The following AKNAD1 variants were observed in gnomAD, a reference collection of about 807,000 sequenced individuals.
The protein encoded by AKNAD1 is AKNA domain containing 1, also known as protein AKNAD1.
AKNAD1 carries 67 observed loss-of-function variants against 90.8 expected under a neutral mutation model. The ratio of observed to expected loss-of-function variants is 0.74; its 90% confidence interval spans 0.61 to 0.90. AKNAD1 has a LOEUF of 0.90. Ranked by LOEUF, AKNAD1 falls within the 40% of genes least tolerant of loss-of-function variation. AKNAD1 has a pLI of 0.00. For missense variants in AKNAD1, 957 were observed against 975.4 expected (o/e 0.98, Z 0.25); for synonymous variants, 327 against 341.4 (o/e 0.96, Z 0.46).
intron 13 of AKNAD1, chr1:108,823,100 G>C (rs1663869358): frequency 1.5e-6 from 1 of 666,488 alleles, no homozygotes; most frequent in African/African-American, 1.8e-5. Flanking sequence ...AACATTTATG[G>C]GTTGCTACCA....
chr1:108,827,206 G>A lies in AKNAD1; in HGVS notation c.1935C>T (p.Pro645=), dbSNP rs1664026351. 6.2e-7 allele frequency: 1 copy of A among 1,608,326 alleles called. No homozygotes were observed. Among genetic ancestry groups the A allele is most frequent in the Admixed American group, 1.7e-5 (1 of 59,660 alleles). Residue 645 remains proline (P), a splice_region_variant and synonymous_variant, in exon 11 of 16, where the codon CCC becomes CCT. Transcript: ENST00000370001. ...HEKAPHSDST[P]NSDTGHSFCS... The stretch of plus-strand genomic sequence containing the variant: ...CCCAGCCCAAGCCCATCAACTTACT[G>A]GGAGTTGAATCTGAGTGTGGTGCCT...
chr1:108,839,503 C>T (rs932373431), intron 6 of AKNAD1, among the ~76,000 whole-genome samples: 1 of 112,656 alleles, frequency 8.9e-6, no homozygotes, highest in African/African-American at 3.9e-5. Flanking sequence ...AATTGCCCAA[C>T]TCATTCTGTG....
At chr1:108,843,311 G>A in intron 5 of AKNAD1, 44 bp from the exon 6 acceptor site, 2 of 1,602,154 alleles carry the variant, frequency 1.2e-6, no homozygotes, top group Non-Finnish European at 1.7e-6. Context: ...GCAAGCCTGT[G>A]TGTGTAATTG....
chr1:108,856,753 C>CACACACACACACACACACACAG, intron 1 of AKNAD1, among the ~76,000 whole-genome samples, 176 bp downstream of exon 1: 1 of 152,080 alleles, frequency 6.6e-6, no homozygotes, highest in Non-Finnish European at 1.5e-5. Context: ...CAAACACACA[C>CACACACACACACACACACACAG]ACAGACAAAG....
intron 8 of AKNAD1, 33 bp downstream of exon 8, chr1:108,834,896 T>C: frequency 2.0e-6 from 3 of 1,507,060 alleles, no homozygotes; most frequent in Non-Finnish European, 2.6e-6. Context: ...TTCTGTGTCC[T>C]GTGTCTGCTG....
chr1:108,837,672 G>A lies in AKNAD1; in HGVS notation c.1414C>T (p.Leu472=), dbSNP rs1430361494. ...ATTTTCTCTTTAACATCTTCAAGCA[G>A]CATCTCCAATTTGAAGATTTCACCT... ...VEGEIFKLEM[L]LEDVKEKMDE... is the part of the protein sequence containing the mutation. The change falls in exon 7 of 16, where the codon CTG becomes TTG. Residue 472 remains leucine, a synonymous_variant. Coordinates refer to ENST00000370001, the MANE Select transcript of AKNAD1 (RefSeq NM_152763.5). The A allele has an allele frequency of 5.6e-6, 9 of 1,614,114 alleles. No individual in the cohort carries two copies. Among genetic ancestry groups the A allele is most frequent in the Non-Finnish European group, 7.6e-6 (9 of 1,179,990 alleles).
chr1:108,851,964 T>A lies in AKNAD1; in HGVS notation c.701A>T (p.Gln234Leu). 6.2e-7 allele frequency: 1 copy of A among 1,614,250 alleles called. No homozygotes were observed. The highest frequency in any genetic ancestry group is 8.5e-7 in the Non-Finnish European group (1 of 1,180,038). Reference sequence around the variant, plus strand: ...ATTTGCTTTTTCAGTCTGCTGTTTCTGGGGTGACTGCCCTTGATAACTTTT... The same window carrying A: ...ATTTGCTTTTTCAGTCTGCTGTTTCAGGGGTGACTGCCCTTGATAACTTTT... ...KQKSYQGQSP[Q>L]KQQTEKANSG... is the part of the protein sequence containing the mutation. The change falls in exon 2 of 16, where the codon CAG (glutamine) becomes CTG (leucine). Residue 234 changes from glutamine to leucine, a missense_variant. Coordinates refer to ENST00000370001, the MANE Select transcript of AKNAD1 (RefSeq NM_152763.5).
chr1:108,818,277 A>G (rs1418489050), intron 14 of AKNAD1, among the ~76,000 whole-genome samples: 1 of 152,190 alleles, frequency 6.6e-6, no homozygotes, highest in Non-Finnish European at 1.5e-5. Flanking sequence ...CTTGTGAGGA[A>G]TATCATCTCC....
At chr1:108,830,815 GA>G (rs1664175076) in intron 9 of AKNAD1, 165 bp from the exon 10 acceptor site, 1 of 648,344 alleles carries the variant, frequency 1.5e-6, no homozygotes, top group South Asian at 1.8e-5. Flanking sequence ...GGCGCAGGGG[GA>G]CAGGAGGGAA....
rs1663596544 is a variant in AKNAD1 at position 108,816,322 on chromosome 1, A to T, written c.2380-20T>A. On this transcript the variant is annotated intron_variant, in intron 15 of 15. Coordinates refer to ENST00000370001, the MANE Select transcript of AKNAD1 (RefSeq NM_152763.5). ...TAAAATCTACAGAGGAAAAGTCCAC[A>T]CATTTTAATTACATAAACTAACTGC... 2 of 1,602,380 alleles carry T rather than the reference A, an allele frequency of 1.2e-6. No homozygotes were observed. The highest frequency in any genetic ancestry group is 2.3e-5 in the South Asian group (2 of 88,038).
Position 108,834,499 on chromosome 1 carries a change from G to A in AKNAD1, c.1694C>T (p.Ala565Val), listed in dbSNP as rs777482761. The A allele has an allele frequency of 1.9e-6, 3 of 1,609,706 alleles. No homozygotes were observed. The highest frequency in any genetic ancestry group is 2.2e-5 in the South Asian group (2 of 90,220). ...TYLNGHYGDA[A>V]AQNKPDQVAM... is the part of the protein sequence containing the mutation. ...CACTTGGTCTGGCTTGTTCTGGGCA[G>A]CTGCATCTCCATAATGACCGTTTAG... is the stretch of plus-strand genomic sequence containing the variant. Residue 565 changes from alanine to valine, a missense_variant, in exon 9 of 16, where the codon GCT (alanine) becomes GTT (valine). Physicochemically the swap from Ala to Val is moderately conservative, Grantham distance 64. Coordinates refer to ENST00000370001, the MANE Select transcript of AKNAD1 (RefSeq NM_152763.5).
In AKNAD1 at chr1:108,852,352, A is replaced by G. The variant is rs201928966; in HGVS notation, c.313T>C (p.Ser105Pro). The G allele has an allele frequency of 6.2e-7, 1 of 1,614,114 alleles. No homozygotes were observed. The highest frequency in any genetic ancestry group is 8.5e-7 in the Non-Finnish European group (1 of 1,180,004). Residue 105 changes from serine to proline, a missense_variant, in exon 2 of 16, where the codon TCT (serine) becomes CCT (proline). By Grantham distance (74) the Ser-to-Pro change is moderately conservative (BLOSUM62 -1). Coordinates refer to ENST00000370001, the MANE Select transcript of AKNAD1 (RefSeq NM_152763.5). ...AAAATATCAGAAATGCTTGACTTAG[A>G]AGCGTCTCCTTCATTTGCTGGAATA... ...LHIPANEGDA[S>P]KSSISDILLH... is the part of the protein sequence containing the mutation.
At chr1:108,834,675 G>T in intron 8 of AKNAD1, 147 bp from the exon 9 acceptor site, 2 of 916,260 alleles carry the variant, frequency 2.2e-6, no homozygotes, top group South Asian at 1.7e-5. Context: ...GCCTCATGCG[G>T]CCACTTGACC....
Position 108,820,636 on chromosome 1 carries a change from G to A in AKNAD1, c.2168-10C>T. ...TTGGGTTTTAAAAAAGCTGAAAAAT[G>A]TTAGCTATCATTAAATTCAGAGTAT... is the stretch of plus-strand genomic sequence containing the variant. On this transcript the variant is annotated splice_polypyrimidine_tract_variant and intron_variant, in intron 13 of 15. Transcript: ENST00000370001. 3.8e-6 allele frequency: 6 copies of A among 1,562,798 alleles called. No homozygotes were observed. The Middle Eastern group carries it at 5.3e-4, about 138-fold the overall frequency.
At chr1:108,817,214 G>A (rs755680227) in intron 14 of AKNAD1, 37 bp from the exon 15 acceptor site, 8 of 1,611,192 alleles carry the variant, frequency 5.0e-6, no homozygotes, top group Admixed American at 1.7e-5. Flanking sequence ...TGTGTCAAGC[G>A]CCACCCTCAA....
At chr1:108,845,449 C>T (rs1557835807) in intron 5 of AKNAD1, among the ~76,000 whole-genome samples, 1 of 152,232 alleles carries the variant, frequency 6.6e-6, no homozygotes, top group African/African-American at 2.4e-5. Context: ...CAGCTGCTCT[C>T]TTTAGGCTCT....
intron 14 of AKNAD1, among the ~76,000 whole-genome samples, chr1:108,819,652 C>T (rs1330324341): frequency 6.6e-6 from 1 of 151,718 alleles, no homozygotes; most frequent in Non-Finnish European, 1.5e-5. Flanking sequence ...GGCCAGACAC[C>T]TGTAATTCCA....
At chr1:108,835,623 T>C (rs956478449) in intron 7 of AKNAD1, among the ~76,000 whole-genome samples, 2 of 144,162 alleles carry the variant, frequency 1.4e-5, no homozygotes, top group African/African-American at 5.2e-5. Flanking sequence ...TATATGTTAA[T>C]TTAATTTTTT....
intron 6 of AKNAD1, 67 bp downstream of exon 6, chr1:108,843,067 A>T (rs1474406993): frequency 5.7e-5 from 89 of 1,574,182 alleles, no homozygotes; most frequent in Non-Finnish European, 7.2e-5. Flanking sequence ...CAGCAGCCAC[A>T]TCAGAATCCC....
Sources: allele counts gnomAD v4.1 joint callset (sites outside exome capture counted in the v4.1 genomes callset), GRCh38; gene constraint gnomAD v4.1.1; transcripts MANE v1.5; gene names NCBI Gene and HGNC (gene_info 2026-07-23, HGNC 2026-07-21).